CDC14A: variants seen among roughly 807,000 people sequenced by gnomAD.
The protein encoded by CDC14A is dual specificity protein phosphatase CDC14A.
A neutral mutation model predicts 74.4 loss-of-function variants in CDC14A; 53 were observed. The ratio of observed to expected loss-of-function variants is 0.71; its 90% CI spans 0.57 to 0.89. The LOEUF is 0.89. Ranked by LOEUF, CDC14A falls within the 40% of genes least tolerant of loss-of-function variation. The pLI, the probability that CDC14A is intolerant of heterozygous loss-of-function variation, is 0.00. For synonymous variants in CDC14A, 247 were observed against 258.4 expected (o/e 0.96, Z 0.43); for missense variants, 646 against 713.7 (o/e 0.91, Z 1.08).
intron 10 of CDC14A, among the ~76,000 whole-genome samples, chr1:100,476,281 C>G (rs535408260): frequency 6.6e-5 from 10 of 152,058 alleles, no homozygotes; most frequent in Non-Finnish European, 1.3e-4. Flanking sequence ...GGTGAAACCC[C>G]GTCTCTACTA....
intron 15 of CDC14A, among the ~76,000 whole-genome samples, chr1:100,506,489 C>T (rs1480498589): frequency 2.0e-5 from 3 of 152,076 alleles, no homozygotes; most frequent in Admixed American, 6.6e-5. Flanking sequence ...CAGCATGGTT[C>T]GGATGATGCC....
At chr1:100,432,591 A>G (rs555228565) in intron 5 of CDC14A, among the ~76,000 whole-genome samples, 26 of 152,318 alleles carry the variant, frequency 1.7e-4, no homozygotes, top group African/African-American at 6.0e-4. Flanking sequence ...ACATAGTGAG[A>G]CCCTGTCTCT....
At position 100,402,435 on chromosome 1, in the gene CDC14A, A is replaced by G. The variant is rs1051582183; in HGVS notation, c.309+11611A>G. Among the ~76,000 whole-genome samples, 6 of 152,214 alleles carry G rather than the reference A, an allele frequency of 3.9e-5. No homozygotes were observed. In the South Asian group the frequency reaches 6.2e-4, roughly 16 times the overall value. ...TGAAGGTAATTCTTTAAATTTTTTG[A>G]AAAATGAGGTTATTTGGCTGCCTGG... On this transcript the variant is annotated intron_variant, in intron 4 of 15. Transcript: ENST00000336454.
chr1:100,377,260 G>C (rs984138851), intron 2 of CDC14A, among the ~76,000 whole-genome samples: 2 of 152,020 alleles, frequency 1.3e-5, no homozygotes. Context: ...GGCTGGTCTC[G>C]AACACCTGAC....
At chr1:100,405,165 T>C (rs371053070) in intron 4 of CDC14A, among the ~76,000 whole-genome samples, 203 of 152,322 alleles carry the variant, frequency 1.3e-3, no homozygotes, top group African/African-American at 4.7e-3. Flanking sequence ...CCCTAGTTTT[T>C]CTGCCTACCC....
At chr1:100,397,562 T>C (rs903631450) in intron 4 of CDC14A, among the ~76,000 whole-genome samples, 12 of 152,220 alleles carry the variant, frequency 7.9e-5, no homozygotes, top group African/African-American at 2.7e-4. Flanking sequence ...TTTGCAGGCC[T>C]AGGTCAAGGA....
chr1:100,400,708 C>T (rs1280457898), intron 4 of CDC14A, among the ~76,000 whole-genome samples: 1 of 152,138 alleles, frequency 6.6e-6, no homozygotes, highest in Admixed American at 6.5e-5. Context: ...ATTTCAGACT[C>T]TTTGAGACTG....
chr1:100,482,617 A>G (rs1669594937), intron 10 of CDC14A, among the ~76,000 whole-genome samples: 1 of 152,152 alleles, frequency 6.6e-6, no homozygotes, highest in South Asian at 2.1e-4. Context: ...ATCCTAAACT[A>G]GAAATCCCTT....
chr1:100,365,941 T>TACACACACAC (rs34281009), intron 2 of CDC14A, among the ~76,000 whole-genome samples: 13,380 of 142,286 alleles, frequency 0.094, 657 homozygotes, highest in Non-Finnish European at 0.1. Flanking sequence ...AACAAAATTT[T>TACACACACAC]ACACACACAC....
At chr1:100,407,626 A>T (rs962894650) in intron 4 of CDC14A, among the ~76,000 whole-genome samples, 1 of 152,172 alleles carries the variant, frequency 6.6e-6, no homozygotes, top group African/African-American at 2.4e-5. Flanking sequence ...TCTCCTAGAT[A>T]TAGGATCATG....
chr1:100,377,797 T>A (rs1359150759), intron 3 of CDC14A, among the ~76,000 whole-genome samples, 176 bp downstream of exon 3: 1 of 152,200 alleles, frequency 6.6e-6, no homozygotes. Flanking sequence ...ACAAAGGACA[T>A]GTTAACCTCT....
intron 5 of CDC14A, among the ~76,000 whole-genome samples, chr1:100,429,205 A>AT (rs1320769070): frequency 5.5e-5 from 8 of 146,244 alleles, no homozygotes; most frequent in South Asian, 2.1e-4. Flanking sequence ...CTCCATCTCA[A>AT]AAAATAAATA....
chr1:100,489,435 G>A (rs1348389890), intron 11 of CDC14A, among the ~76,000 whole-genome samples: 1 of 151,960 alleles, frequency 6.6e-6, no homozygotes, highest in Non-Finnish European at 1.5e-5. Flanking sequence ...ATAGCTTACT[G>A]TGCCACGATT....
Position 100,499,234 on chromosome 1 carries a change from C to G in CDC14A, c.1727C>G (p.Ser576Ter). Residue 576 changes from serine (S) to a stop codon, truncating the protein, a stop_gained, in exon 15 of 16, where the codon TCA (serine) becomes TGA (stop). Transcript: ENST00000336454. LOFTEE classifies it high-confidence loss of function. Reference protein sequence around the residue: ...RPSYTGLSSSSARFLSRSIPS... With the variant: ...RPSYTGLSSS ...TCCTACACCGGGCTTTCTTCTTCTT[C>G]AGCGAGATTCCTGAGCCGTTCTATC... 1 of 1,614,218 alleles carries G rather than the reference C, an allele frequency of 6.2e-7. No homozygotes were observed. The highest frequency in any genetic ancestry group is 8.5e-7 in the Non-Finnish European group (1 of 1,180,032).
At chr1:100,354,618 T>C (rs1280817429) in intron 2 of CDC14A, among the ~76,000 whole-genome samples, 1 of 152,234 alleles carries the variant, frequency 6.6e-6, no homozygotes, top group Non-Finnish European at 1.5e-5. Flanking sequence ...GAGATAAATC[T>C]TTATTCAGTA....
chr1:100,505,052 T>G (rs2101462770), intron 15 of CDC14A: 1 of 1,016,494 alleles, frequency 9.8e-7, no homozygotes, highest in Non-Finnish European at 1.4e-6. Context: ...GTCTCCAAAT[T>G]TAAACTTCTT....
chr1:100,497,762 C>T (rs1195962065), intron 13 of CDC14A, among the ~76,000 whole-genome samples: 2 of 152,180 alleles, frequency 1.3e-5, no homozygotes, highest in African/African-American at 4.8e-5. Context: ...GTTTGAATCC[C>T]AGGTCTGCTG....
intron 5 of CDC14A, among the ~76,000 whole-genome samples, chr1:100,425,006 A>T (rs747595194): frequency 1.3e-5 from 2 of 152,096 alleles, no homozygotes; most frequent in Non-Finnish European, 2.9e-5. Flanking sequence ...CGTCTCTACT[A>T]AAAATACAAA....
intron 11 of CDC14A, among the ~76,000 whole-genome samples, chr1:100,488,855 C>G (rs938666919): frequency 6.6e-6 from 1 of 152,134 alleles, no homozygotes; most frequent in African/African-American, 2.4e-5. Context: ...TTTCTTTCCC[C>G]CATTATGACA....
Sources: allele counts gnomAD v4.1 joint callset (sites outside exome capture counted in the v4.1 genomes callset), GRCh38; gene constraint gnomAD v4.1.1; transcripts MANE v1.5; gene names NCBI Gene and HGNC (gene_info 2026-07-23, HGNC 2026-07-21).